CUBN: variants seen among roughly 807,000 people sequenced by gnomAD.
CUBN encodes the protein 460 kDa receptor.
Under a neutral mutation model 405.3 loss-of-function variants are expected in CUBN, and 282 were observed. That is an observed-to-expected ratio of 0.70 (90% CI 0.63 to 0.77). CUBN has a LOEUF of 0.77. CUBN is among the 30% of genes least tolerant of loss of function. The probability of loss-of-function intolerance (pLI) is 0.00; values close to 1 mark genes in which losing one functional copy is unlikely to be tolerated. For missense variants in CUBN, 4,514 were observed against 4,475.2 expected, an observed-to-expected ratio of 1.01 and a Z score of -0.25; for synonymous variants, 1,684 against 1,617.0, an observed-to-expected ratio of 1.04 and a Z score of -0.99.
chr10:16,995,105 T>C (rs894307924), intron 28 of CUBN, among the ~76,000 whole-genome samples: 12 of 152,100 alleles, frequency 7.9e-5, no homozygotes, highest in Admixed American at 6.6e-4. Context: ...ATGAAAAAGA[T>C]GAAAATACCA....
chr10:17,104,322 A>G lies in CUBN; in HGVS notation c.1417+97T>C. ...TTCTCAGTATCTGAGCAACTGGACA[A>G]GAAAGTGGGTTCAGCAGAGGAATCT... On this transcript the variant is annotated intron_variant, in intron 12 of 66. Coordinates refer to ENST00000377833, the MANE Select transcript of CUBN (RefSeq NM_001081.4). 5 of 1,084,444 alleles carry G rather than the reference A, an allele frequency of 4.6e-6. No individual in the cohort carries two copies. The Admixed American group carries it at 5.4e-5, about 12-fold the overall frequency. The allele number at this position is 1,084,444 out of a possible 1,614,324, so 67.2% of individuals were successfully genotyped here.
chr10:17,032,229 A>G (rs1265316558), intron 27 of CUBN, among the ~76,000 whole-genome samples: 4 of 152,176 alleles, frequency 2.6e-5, no homozygotes, highest in Non-Finnish European at 5.9e-5. Context: ...CTCTCTCCAG[A>G]AGGGGCGTGG....
intron 58 of CUBN, among the ~76,000 whole-genome samples, chr10:16,872,035 GC>G (rs1261524442): frequency 6.6e-6 from 1 of 151,940 alleles, no homozygotes; most frequent in Non-Finnish European, 1.5e-5. Context: ...GACCAGCCTG[GC>G]CAACATGGCA....
intron 61 of CUBN, 73 bp from the exon 62 acceptor site, chr10:16,840,608 G>T: frequency 1.6e-6 from 2 of 1,281,216 alleles, no homozygotes; most frequent in African/African-American, 1.5e-5. Context: ...TTGCAATTCT[G>T]TCTTCCCTGC....
At chr10:16,831,082 AT>A (rs1023915624) in intron 65 of CUBN, among the ~76,000 whole-genome samples, 169 bp downstream of exon 65, 1 of 151,880 alleles carries the variant, frequency 6.6e-6, no homozygotes, top group African/African-American at 2.4e-5. Flanking sequence ...GCGAGATTCC[AT>A]TTCAAAAAAA....
chr10:16,951,629 A>T (rs542503690), intron 33 of CUBN, among the ~76,000 whole-genome samples: 96 of 152,302 alleles, frequency 6.3e-4, no homozygotes, highest in Non-Finnish European at 1.1e-3. Flanking sequence ...TCTGTCTGTA[A>T]AATGAGGACA....
At chr10:16,873,550 C>T (rs149174123) in intron 58 of CUBN, among the ~76,000 whole-genome samples, 60 of 151,830 alleles carry the variant, frequency 4.0e-4, no homozygotes, top group African/African-American at 1.4e-3. Flanking sequence ...GGTGAAACCC[C>T]GTCGCTACCA....
intron 29 of CUBN, among the ~76,000 whole-genome samples, chr10:16,986,292 G>T (rs542264908): frequency 6.7e-6 from 1 of 149,780 alleles, no homozygotes; most frequent in Non-Finnish European, 1.5e-5. Flanking sequence ...CCCCACCTCG[G>T]GACACTCTGC....
At chr10:16,892,039 G>A (rs935194183) in intron 54 of CUBN, among the ~76,000 whole-genome samples, 4 of 152,018 alleles carry the variant, frequency 2.6e-5, no homozygotes, top group Admixed American at 6.6e-5. Context: ...TCTTCTCAAG[G>A]ATATTCCTCA....
intron 27 of CUBN, among the ~76,000 whole-genome samples, chr10:17,028,069 T>C (rs1834709177): frequency 6.6e-6 from 1 of 152,046 alleles, no homozygotes; most frequent in Non-Finnish European, 1.5e-5. Context: ...TATGTTTCGA[T>C]AGTCACTGAT....
At chr10:16,954,269 T>G in intron 32 of CUBN, 120 bp downstream of exon 32, 1 of 1,166,278 alleles carries the variant, frequency 8.6e-7, no homozygotes, top group Non-Finnish European at 1.3e-6. Context: ...TCTATTTAAT[T>G]TTTTACATGT....
chr10:16,973,507 A>C (rs1343854689), intron 31 of CUBN, among the ~76,000 whole-genome samples: 1 of 152,154 alleles, frequency 6.6e-6, no homozygotes, highest in African/African-American at 2.4e-5. Context: ...CTTTCACCTT[A>C]GGTTCAAGGG....
chr10:17,006,614 G>C (rs1489885557), intron 28 of CUBN, among the ~76,000 whole-genome samples: 1 of 152,174 alleles, frequency 6.6e-6, no homozygotes, highest in Non-Finnish European at 1.5e-5. Flanking sequence ...CTAACTTTAA[G>C]AGAAACACTG....
At chr10:16,848,690 CTTTTTTTTT>C (rs10562297) in intron 60 of CUBN, among the ~76,000 whole-genome samples, 28 of 53,362 alleles carry the variant, frequency 5.2e-4, no homozygotes, top group African/African-American at 1.4e-3. Context: ...CTCTCCCAGC[CTTTTTTTTT>C]TTTTTTTTTT....
intron 22 of CUBN, among the ~76,000 whole-genome samples, chr10:17,053,470 T>C (rs1197936451): frequency 6.6e-6 from 1 of 152,032 alleles, no homozygotes; most frequent in Non-Finnish European, 1.5e-5. Context: ...GATAATATTA[T>C]TAGATTTATA....
intron 31 of CUBN, among the ~76,000 whole-genome samples, chr10:16,965,478 G>A (rs80233821): frequency 0.03 from 4,492 of 151,280 alleles, 91 homozygotes; most frequent in Non-Finnish European, 0.038. Context: ...TAAATGGCTC[G>A]TGACCACCTG....
chr10:17,046,460 C>T (rs978417386), intron 23 of CUBN, among the ~76,000 whole-genome samples: 1 of 152,048 alleles, frequency 6.6e-6, no homozygotes, highest in African/African-American at 2.4e-5. Context: ...CTGTATTTTA[C>T]AGAGAATCTT....
intron 65 of CUBN, 121 bp downstream of exon 65, chr10:16,831,131 T>C (rs1234220494): frequency 1.1e-6 from 1 of 878,856 alleles, no homozygotes; most frequent in Non-Finnish European, 1.9e-6. Flanking sequence ...AAATCTCTAT[T>C]CTTAACATAA....
intron 28 of CUBN, among the ~76,000 whole-genome samples, chr10:17,016,792 AG>A (rs1834340062): frequency 6.6e-6 from 1 of 152,174 alleles, no homozygotes; most frequent in Non-Finnish European, 1.5e-5. Context: ...TAGGGAGGCT[AG>A]GATATGGGGG....
Sources: allele counts gnomAD v4.1 joint callset (sites outside exome capture counted in the v4.1 genomes callset), GRCh38; gene constraint gnomAD v4.1.1; transcripts MANE v1.5; gene names NCBI Gene and HGNC (gene_info 2026-07-23, HGNC 2026-07-21).